The following DIAPH2 variants were observed in gnomAD, a reference collection of about 807,000 sequenced individuals.
DIAPH2 encodes diaphanous related formin 2.
Under a neutral mutation model 92.7 loss-of-function variants are expected in DIAPH2, and 35 were observed. The observed-to-expected ratio is 0.38, with a 90% confidence interval of 0.29 to 0.50. The LOEUF is 0.50. Among genes scored for constraint, DIAPH2 ranks in the 20% least tolerant of loss-of-function variants. DIAPH2 has a pLI of 0.94. For synonymous variants in DIAPH2, 301 were observed against 280.4 expected, an observed-to-expected ratio of 1.07 and a Z score of -0.73; for missense variants, 701 against 819.5, an observed-to-expected ratio of 0.86 and a Z score of 1.77.
chrX:96,939,079 TA>T (rs2065676675), intron 11 of DIAPH2, among the ~76,000 whole-genome samples, 186 bp from the exon 12 acceptor site: 1 of 111,488 alleles, frequency 9.0e-6, no homozygotes, highest in Admixed American at 9.6e-5. Flanking sequence ...TCTCTCTAGT[TA>T]AAAGATCAAA....
chrX:96,730,332 C>G (rs180971489), intron 1 of DIAPH2, among the ~76,000 whole-genome samples: 1 of 111,841 alleles, frequency 8.9e-6, no homozygotes, highest in East Asian at 2.8e-4. Flanking sequence ...AACAGAAAAT[C>G]TTTATAATAA....
At chrX:97,303,852 T>C (rs1670251084) in intron 23 of DIAPH2, among the ~76,000 whole-genome samples, 1 of 111,606 alleles carries the variant, frequency 9.0e-6, no homozygotes, top group Admixed American at 9.7e-5. Context: ...CTTTTTAACA[T>C]CTCAAGTATG....
chrX:97,247,152 G>A (rs1207636490), intron 22 of DIAPH2, among the ~76,000 whole-genome samples: 3 of 111,452 alleles, frequency 2.7e-5, no homozygotes, highest in Admixed American at 9.6e-5. Flanking sequence ...GGGTATGTAC[G>A]TTCATTTGTG....
At chrX:96,729,215 A>G (rs1776231218) in intron 1 of DIAPH2, among the ~76,000 whole-genome samples, 1 of 112,001 alleles carries the variant, frequency 8.9e-6, no homozygotes, top group African/African-American at 3.2e-5. Flanking sequence ...GAGCAGAGGG[A>G]TGACTTTGAA....
intron 16 of DIAPH2, among the ~76,000 whole-genome samples, chrX:96,963,674 C>T (rs1302343110): frequency 9.0e-6 from 1 of 111,031 alleles, no homozygotes; most frequent in Non-Finnish European, 1.9e-5. Flanking sequence ...GGCTTGCTGC[C>T]TGGATTCCCG....
chrX:97,445,580 G>A (rs755365593), intron 26 of DIAPH2, among the ~76,000 whole-genome samples: 2 of 108,401 alleles, frequency 1.8e-5, no homozygotes, highest in Non-Finnish European at 3.8e-5. Context: ...ACCATGCCCA[G>A]CTAATTTTTC....
intron 1 of DIAPH2, among the ~76,000 whole-genome samples, chrX:96,697,184 A>G (rs1156532369): frequency 1.8e-5 from 2 of 110,527 alleles, no homozygotes; most frequent in Non-Finnish European, 3.8e-5. Context: ...TAGTCTTGGC[A>G]TAGCCAGCAA....
chrX:97,116,754 A>T (rs1569305075), intron 21 of DIAPH2, among the ~76,000 whole-genome samples: 1 of 112,364 alleles, frequency 8.9e-6, no homozygotes, highest in African/African-American at 3.2e-5. Context: ...GTACCTTATA[A>T]GTGTCTTAAT....
At position 97,600,721 on chromosome X, in the gene DIAPH2, C is replaced by CTT. The variant is rs1333491456; in HGVS notation, c.*1405_*1406dup. 3.8e-5 allele frequency: 4 copies of CTT among 103,994 alleles called. No homozygotes were observed. Among genetic ancestry groups the CTT allele is most frequent in the African/African-American group, 1.4e-4 (4 of 28,160 alleles). 8.6% of individuals were successfully genotyped at this position (103,994 alleles called of 1,213,427 possible). ...TGATTGTGATTATTGTAAGAAATTT[C>CTT]TTACATGTATATTTCTTATGTAGAA... On this transcript the variant is annotated 3_prime_UTR_variant, in exon 27 of 27. Coordinates refer to ENST00000324765, the MANE Select transcript of DIAPH2 (RefSeq NM_006729.5).
intron 26 of DIAPH2, among the ~76,000 whole-genome samples, chrX:97,576,532 A>T (rs1292152226): frequency 9.0e-6 from 1 of 111,514 alleles, no homozygotes; most frequent in East Asian, 2.8e-4. Flanking sequence ...AATTGTCAAC[A>T]GTGTCATGTG....
rs754269506 is a variant in DIAPH2 at position 96,758,193 on chromosome X, C to T, written c.382C>T (p.Arg128Ter). 8.3e-7 allele frequency: 1 copy of T among 1,206,243 alleles called. No individual in the cohort carries two copies. Among genetic ancestry groups the T allele is most frequent in the Non-Finnish European group, 1.1e-6 (1 of 893,336 alleles). Reference protein sequence around the residue: ...NLNEEKKAPLRNKDFTTKREM... With the variant: ...NLNEEKKAPL ...TAACGAAGAGAAAAAAGCTCCTTTACGAAACAAAGACTTTACCACCAAACG... is the reference window on the plus strand; with the variant it reads ...TAACGAAGAGAAAAAAGCTCCTTTATGAAACAAAGACTTTACCACCAAACG... Residue 128 changes from arginine (R) to a stop codon, truncating the protein, a stop_gained, in exon 4 of 27, where the codon CGA (arginine) becomes TGA (stop). Transcript: ENST00000324765. LOFTEE classifies it high-confidence loss of function.
chrX:96,816,491 A>G (rs770274975), intron 4 of DIAPH2, among the ~76,000 whole-genome samples: 1 of 112,641 alleles, frequency 8.9e-6, no homozygotes, highest in Non-Finnish European at 1.9e-5. Context: ...ATCATTGATC[A>G]TCAGAGAAAT....
chrX:96,790,228 C>T (rs6523060), intron 4 of DIAPH2, among the ~76,000 whole-genome samples: 10,288 of 109,466 alleles, frequency 0.094, 508 homozygotes, highest in East Asian at 0.32. Flanking sequence ...TGCCACCACG[C>T]CCAGCTAATT....
At chrX:97,427,370 A>G (rs2147775159) in intron 25 of DIAPH2, among the ~76,000 whole-genome samples, 1 of 111,474 alleles carries the variant, frequency 9.0e-6, no homozygotes, top group South Asian at 3.8e-4. Flanking sequence ...TTCCTAGTTC[A>G]TTTCAACTTC....
At chrX:96,770,314 G>C (rs761220943) in intron 4 of DIAPH2, among the ~76,000 whole-genome samples, 1 of 111,646 alleles carries the variant, frequency 9.0e-6, no homozygotes, top group South Asian at 3.8e-4. Flanking sequence ...ACCACCAAGT[G>C]TGGCAGCATG....
At chrX:96,943,132 A>G (rs780144091) in intron 13 of DIAPH2, among the ~76,000 whole-genome samples, 2 of 110,386 alleles carry the variant, frequency 1.8e-5, no homozygotes, top group Non-Finnish European at 3.8e-5. Flanking sequence ...ATCTCTCTGT[A>G]TGCTGATTTT....
chrX:97,416,860 C>A (rs1287668823), intron 25 of DIAPH2, among the ~76,000 whole-genome samples: 1 of 112,407 alleles, frequency 8.9e-6, no homozygotes, highest in African/African-American at 3.2e-5. Context: ...CAGACACTCC[C>A]TCTTTTCCTT....
intron 22 of DIAPH2, among the ~76,000 whole-genome samples, chrX:97,159,532 C>G (rs901371587): frequency 1.8e-5 from 2 of 111,723 alleles, no homozygotes; most frequent in South Asian, 7.4e-4. Context: ...GTAAAAGGCA[C>G]TCAGTAATAT....
At chrX:97,338,068 C>T (rs890734380) in intron 23 of DIAPH2, among the ~76,000 whole-genome samples, 30 of 109,444 alleles carry the variant, frequency 2.7e-4, no homozygotes, top group African/African-American at 9.6e-4. Flanking sequence ...AATGGGGTTT[C>T]GCCATGTTGG....
Sources: gnomAD v4.1 joint callset for allele counts (sites outside exome capture counted in the v4.1 genomes callset) on GRCh38, gnomAD v4.1.1 for gene constraint, MANE v1.5 for transcripts, NCBI Gene and HGNC (gene_info 2026-07-23, HGNC 2026-07-21) for gene names.